ANKS1A: variants seen among roughly 807,000 people sequenced by gnomAD.
The protein encoded by ANKS1A is ankyrin repeat and SAM domain-containing protein 1A.
Under a neutral mutation model 120.3 loss-of-function variants are expected in ANKS1A, and 55 were observed. The observed-to-expected ratio is 0.46, with a 90% CI of 0.37 to 0.57. ANKS1A has a LOEUF of 0.57. Ranked by LOEUF, ANKS1A falls within the 20% of genes least tolerant of loss-of-function variation. The probability of loss-of-function intolerance (pLI) is 0.00; values close to 1 mark genes in which losing one functional copy is unlikely to be tolerated. For synonymous variants in ANKS1A, 590 were observed against 604.7 expected (o/e 0.98, Z 0.36); for missense variants, 1,123 against 1,480.3 (o/e 0.76, Z 3.96).
intron 11 of ANKS1A, among the ~76,000 whole-genome samples, chr6:35,030,848 C>T (rs547874890): frequency 3.9e-5 from 6 of 152,342 alleles, no homozygotes; most frequent in South Asian, 2.1e-4. Flanking sequence ...TTTCTTCTCT[C>T]TCACCTCAGA....
rs556720619 is a variant in ANKS1A at position 34,927,431 on chromosome 6, G to A, written c.197+37832G>A. ...GGGAGGTGAGGGATATTGATAAATG[G>A]GCACTAAAGATTAGTTTTTATACAG... On this transcript the variant is annotated intron_variant, in intron 1 of 23. Coordinates refer to ENST00000360359, the MANE Select transcript of ANKS1A (RefSeq NM_015245.3). 3.3e-5 allele frequency among the ~76,000 whole-genome samples: 5 copies of A among 152,168 alleles called. No individual in the cohort carries two copies. The South Asian group carries it at 8.3e-4, about 25-fold the overall frequency.
At chr6:34,902,760 G>A (rs1767421640) in intron 1 of ANKS1A, among the ~76,000 whole-genome samples, 1 of 144,846 alleles carries the variant, frequency 6.9e-6, no homozygotes, top group Admixed American at 7.1e-5. Context: ...CCAAAATCGC[G>A]CCATTGTACT....
chr6:35,023,563 G>T, intron 11 of ANKS1A: 1 of 447,774 alleles, frequency 2.2e-6, no homozygotes, highest in South Asian at 1.7e-5. Context: ...CTCTTTGACT[G>T]AATATTGGTT....
chr6:34,960,099 G>C (rs1281769992), intron 1 of ANKS1A, among the ~76,000 whole-genome samples: 2 of 152,120 alleles, frequency 1.3e-5, no homozygotes, highest in Non-Finnish European at 2.9e-5. Flanking sequence ...TCCAGCCACA[G>C]GTCAGGCACG....
In ANKS1A at chr6:35,060,183, T is replaced by C; in HGVS notation, c.2114T>C (p.Leu705Pro). The change falls in exon 13 of 24, where the codon CTG (leucine) becomes CCG (proline). Residue 705 changes from leucine to proline, a missense_variant. This residue lies in a region of ANKS1A where 904 missense variants were observed against 1,130.4 expected (regional missense o/e 0.80). Coordinates refer to ENST00000360359, the MANE Select transcript of ANKS1A (RefSeq NM_015245.3). This position sits in a 1 kb window ranked among gnomAD's most constrained non-coding sequence, Gnocchi z 4.5. Reference sequence around the variant, plus strand: ...CTGGAGCAGAGTGTCGGGGAGTGGCTGGAGTCGATTGGGCTGCAGCAGTAT... The same window carrying C: ...CTGGAGCAGAGTGTCGGGGAGTGGCCGGAGTCGATTGGGCTGCAGCAGTAT... ...RTLEQSVGEW[L>P]ESIGLQQYES... The C allele has an allele frequency of 6.2e-7, 1 of 1,613,210 alleles. No individual in the cohort carries two copies. Among genetic ancestry groups the C allele is most frequent in the South Asian group, 1.1e-5 (1 of 90,798 alleles).
At chr6:35,020,789 GAT>G (rs1242079623) in intron 11 of ANKS1A, among the ~76,000 whole-genome samples, 1 of 152,168 alleles carries the variant, frequency 6.6e-6, no homozygotes, top group Admixed American at 6.5e-5. Context: ...TTCATTTGCT[GAT>G]ATCACCTGTG....
intron 1 of ANKS1A, among the ~76,000 whole-genome samples, chr6:34,919,534 C>T (rs911129550): frequency 2.0e-5 from 3 of 152,236 alleles, no homozygotes; most frequent in African/African-American, 4.8e-5. Context: ...TCTTTGCCTA[C>T]AGAACTTCCC....
In ANKS1A at chr6:34,982,827, G is replaced by A. The variant is rs1771970854; in HGVS notation, c.808G>A (p.Gly270Arg). Residue 270 changes from glycine to arginine, a missense_variant and splice_region_variant, in exon 5 of 24, where the codon GGA becomes AGA. Coordinates refer to ENST00000360359, the MANE Select transcript of ANKS1A (RefSeq NM_015245.3). The surrounding 1 kb of genome is among the most constrained non-coding windows in gnomAD (Gnocchi z 4.9). ...TGTGGTGCAAATCCTGCTGGCTGCA[G>A]GTGAGAGGTCGGCAGCGCTCTTGTC... ...TDVVQILLAA[G>R]TDVNIKDNHG... The A allele has an allele frequency of 6.2e-7, 1 of 1,614,092 alleles. No individual in the cohort carries two copies. Among genetic ancestry groups the A allele is most frequent in the Non-Finnish European group, 8.5e-7 (1 of 1,180,046 alleles).
At chr6:34,953,562 T>C (rs1042463392) in intron 1 of ANKS1A, among the ~76,000 whole-genome samples, 1 of 152,228 alleles carries the variant, frequency 6.6e-6, no homozygotes, top group African/African-American at 2.4e-5. Flanking sequence ...TTGCTTCCCT[T>C]TTTCTTGCTA....
At chr6:35,092,427 T>C (rs1778336370), downstream of ANKS1A, among the ~76,000 whole-genome samples, 1 of 152,234 alleles carries the variant, frequency 6.6e-6, no homozygotes, top group African/African-American at 2.4e-5. Flanking sequence ...TGGAAAATGA[T>C]TCTCTCCTAG....
intron 3 of ANKS1A, among the ~76,000 whole-genome samples, chr6:34,979,360 A>C (rs1205353623): frequency 6.6e-6 from 1 of 152,188 alleles, no homozygotes; most frequent in Non-Finnish European, 1.5e-5. Flanking sequence ...AGATATAATA[A>C]ACTTGGGTAT....
intron 1 of ANKS1A, among the ~76,000 whole-genome samples, chr6:34,954,940 C>CT (rs146223925): frequency 0.044 from 6,670 of 152,174 alleles, 260 homozygotes; most frequent in African/African-American, 0.11. Context: ...TTCTTACACT[C>CT]TCTGTCCACT....
intron 1 of ANKS1A, among the ~76,000 whole-genome samples, chr6:34,917,009 T>C (rs1194833487): frequency 1.3e-5 from 2 of 152,174 alleles, no homozygotes; most frequent in Non-Finnish European, 2.9e-5. Flanking sequence ...GAATGGCTGA[T>C]ATTTAAGGGA....
intron 2 of ANKS1A, among the ~76,000 whole-genome samples, chr6:34,969,533 G>A (rs1403644664): frequency 6.6e-6 from 1 of 152,206 alleles, no homozygotes; most frequent in Non-Finnish European, 1.5e-5. Flanking sequence ...GGGATTACAG[G>A]CGTGAGCCAC....
In ANKS1A at chr6:35,017,523, G is replaced by T. The variant is rs145792832; in HGVS notation, c.1474G>T (p.Asp492Tyr). ...GAGCCAGGACTCTGCGGAGGGGCAG[G>T]ACGGGCAGGTCCCAGAGCAGTTCTC... The part of the protein sequence containing the change: ...SRSQDSAEGQ[D>Y]GQVPEQFSGL... The change falls in exon 11 of 24, where the codon GAC becomes TAC. Residue 492 changes from aspartate to tyrosine, a missense_variant. By Grantham distance (160) the Asp-to-Tyr change is radical. This residue lies in a region of ANKS1A where 904 missense variants were observed against 1,130.4 expected (regional missense o/e 0.80). Transcript: ENST00000360359. 16 of 1,613,850 alleles carry T rather than the reference G, an allele frequency of 9.9e-6. No individual in the cohort carries two copies. In the African/African-American group the frequency reaches 2.1e-4, roughly 22 times the overall value.
At chr6:35,070,062 A>C (rs1093985) in intron 13 of ANKS1A, among the ~76,000 whole-genome samples, 1 of 148,658 alleles carries the variant, frequency 6.7e-6, no homozygotes, top group Non-Finnish European at 1.5e-5. Flanking sequence ...GTGTCTCACA[A>C]TGTTGCTCAG....
chr6:35,015,039 C>T (rs1434659894), intron 10 of ANKS1A, among the ~76,000 whole-genome samples: 2 of 152,178 alleles, frequency 1.3e-5, no homozygotes, highest in Non-Finnish European at 2.9e-5. Flanking sequence ...TTCCTGGGGC[C>T]TTGGTTAAGC....
chr6:34,997,038 A>G (rs1023295021), intron 10 of ANKS1A, among the ~76,000 whole-genome samples: 4 of 152,084 alleles, frequency 2.6e-5, no homozygotes, highest in Non-Finnish European at 5.9e-5. Context: ...GAATCAGCTT[A>G]TTGATTTCTT....
At chr6:34,939,447 A>G (rs1293824595) in intron 1 of ANKS1A, among the ~76,000 whole-genome samples, 1 of 152,230 alleles carries the variant, frequency 6.6e-6, no homozygotes, top group Non-Finnish European at 1.5e-5. Flanking sequence ...CATTCAGTAA[A>G]TATTTTTATT....
Sources: gnomAD v4.1 joint callset for allele counts (sites outside exome capture counted in the v4.1 genomes callset) on GRCh38, gnomAD v4.1.1 for gene constraint, gnomAD v4.1.1 regional missense constraint, Gnocchi (gnomAD v3.1) non-coding constraint, MANE v1.5 for transcripts, NCBI Gene and HGNC (gene_info 2026-07-23, HGNC 2026-07-21) for gene names.